Variants in PPP6R3 observed in about 807,000 individuals in gnomAD.
PPP6R3 encodes the protein serine/threonine-protein phosphatase 6 regulatory subunit 3.
PPP6R3 carries 38 observed loss-of-function variants against 110.7 expected under a neutral mutation model. The ratio of observed to expected loss-of-function variants is 0.34; its 90% confidence interval spans 0.26 to 0.45. The LOEUF (loss-of-function observed/expected upper bound fraction) is 0.45, where lower values mean the gene tolerates loss of function less well. Ranked by LOEUF, PPP6R3 falls within the 20% of genes least tolerant of loss-of-function variation. PPP6R3 has a pLI of 1.00. For missense variants in PPP6R3, 870 were observed against 1,062.4 expected, an observed-to-expected ratio of 0.82 and a Z score of 2.52; for synonymous variants, 369 against 373.5, an observed-to-expected ratio of 0.99 and a Z score of 0.14.
At chr11:68,554,104 C>A (rs553185243) in intron 6 of PPP6R3, 41 bp from the exon 7 acceptor site, 1 of 1,392,712 alleles carries the variant, frequency 7.2e-7, no homozygotes, top group South Asian at 1.3e-5. Context: ...AATTTAACTT[C>A]TAACATGTTT....
intron 1 of PPP6R3, among the ~76,000 whole-genome samples, chr11:68,495,693 CATT>C (rs1452483765): frequency 6.6e-5 from 10 of 152,294 alleles, no homozygotes; most frequent in Admixed American, 3.3e-4. Flanking sequence ...AAATAATACT[CATT>C]ATGTGGGGAA....
At chr11:68,584,235 G>C (rs1189417605) in intron 15 of PPP6R3, among the ~76,000 whole-genome samples, 2 of 152,166 alleles carry the variant, frequency 1.3e-5, no homozygotes, top group Non-Finnish European at 2.9e-5. Flanking sequence ...TTCCTGCCTT[G>C]GCTTGCTATT....
intron 12 of PPP6R3, 129 bp downstream of exon 12, chr11:68,571,233 T>C (rs2099504620): frequency 8.1e-7 from 1 of 1,235,962 alleles, no homozygotes; most frequent in Non-Finnish European, 1.1e-6. Flanking sequence ...ATTTAAACTT[T>C]TCCCCAGATT....
chr11:68,494,797 C>T (rs1334867282), intron 1 of PPP6R3, among the ~76,000 whole-genome samples: 1 of 152,138 alleles, frequency 6.6e-6, no homozygotes, highest in Non-Finnish European at 1.5e-5. Flanking sequence ...CCTCTATTGT[C>T]TGGATCTTAA....
intron 23 of PPP6R3, among the ~76,000 whole-genome samples, chr11:68,611,784 G>A (rs1193200102): frequency 4.6e-5 from 7 of 152,178 alleles, no homozygotes; most frequent in Admixed American, 3.9e-4. Context: ...CCTAGAGTGC[G>A]TCCTAGATTG....
At chr11:68,478,646 A>AGTTTTT (rs2098859712) in intron 1 of PPP6R3, among the ~76,000 whole-genome samples, 1 of 10,764 alleles carries the variant, frequency 9.3e-5, no homozygotes, top group Non-Finnish European at 2.0e-4. Context: ...GCACTTGGTA[A>AGTTTTT]GTTTTTTTTT....
intron 12 of PPP6R3, 182 bp downstream of exon 12, chr11:68,571,286 G>T: frequency 1.1e-6 from 1 of 886,238 alleles, no homozygotes; most frequent in Non-Finnish European, 1.6e-6. Flanking sequence ...ATAATTTCTT[G>T]TTAGGTCCTC....
chr11:68,536,204 A>G (rs2099270049), intron 2 of PPP6R3, among the ~76,000 whole-genome samples: 1 of 151,938 alleles, frequency 6.6e-6, no homozygotes, highest in Non-Finnish European at 1.5e-5. Flanking sequence ...TTTGAGGCAG[A>G]TGTTCATAAA....
intron 2 of PPP6R3, among the ~76,000 whole-genome samples, chr11:68,524,625 C>T (rs1367281870): frequency 6.6e-6 from 1 of 152,214 alleles, no homozygotes; most frequent in Non-Finnish European, 1.5e-5. Context: ...CAGTTTTCTT[C>T]TCCCTGGCAT....
intron 21 of PPP6R3, 91 bp from the exon 22 acceptor site, chr11:68,603,251 T>C: frequency 6.7e-7 from 1 of 1,490,966 alleles, no homozygotes; most frequent in Non-Finnish European, 9.1e-7. Context: ...AAGCAGTAGA[T>C]GTCACGTTGG....
rs1944842642 is a variant in PPP6R3, at chr11:68,614,581, G to GAATC, written c.*1467_*1470dup. On this transcript the variant is annotated 3_prime_UTR_variant, in exon 24 of 24. Coordinates refer to ENST00000393800, the MANE Select transcript of PPP6R3 (RefSeq NM_001164161.2). The stretch of plus-strand genomic sequence containing the variant: ...CATTACATTGCATATGGAAATAAAA[G>GAATC]AATCAAACGTCTAATGCCTTATTAT... 1.3e-6 allele frequency: 2 copies of GAATC among 1,506,506 alleles called. No homozygotes were observed. The highest frequency in any genetic ancestry group is 2.5e-5 in the East Asian group (1 of 40,372). 93.3% of individuals were successfully genotyped at this position (1,506,506 alleles called of 1,614,324 possible).
chr11:68,586,939 A>G (rs567945093), intron 15 of PPP6R3: 3 of 152,212 alleles, frequency 2.0e-5, no homozygotes, highest in Admixed American at 2.0e-4. Flanking sequence ...AGTTGAGCCA[A>G]CAGCCGCCTC....
At chr11:68,462,585 G>T (rs1336440633) in intron 1 of PPP6R3, among the ~76,000 whole-genome samples, 2 of 152,194 alleles carry the variant, frequency 1.3e-5, no homozygotes, top group African/African-American at 4.8e-5. Context: ...GCCGTGGATT[G>T]CAGTATTCTT....
intron 15 of PPP6R3, among the ~76,000 whole-genome samples, chr11:68,584,269 G>T (rs1352796061): frequency 6.6e-6 from 1 of 152,256 alleles, no homozygotes; most frequent in African/African-American, 2.4e-5. Context: ...CGTGGCGGTG[G>T]CCCACCATGG....
In PPP6R3 at chr11:68,569,736, T is replaced by C; in HGVS notation, c.1129-12T>C. 1 of 1,565,186 alleles carries C rather than the reference T, an allele frequency of 6.4e-7. No individual in the cohort carries two copies. The highest frequency in any genetic ancestry group is 8.7e-7 in the Non-Finnish European group (1 of 1,148,436). ...AGGTAACCGAATAAAACATGGTTTT[T>C]CTTTTTTGTAGAACATGTTCTTCAA... On this transcript the variant is annotated splice_polypyrimidine_tract_variant and intron_variant, in intron 10 of 23. Transcript: ENST00000393800.
intron 2 of PPP6R3, among the ~76,000 whole-genome samples, chr11:68,526,493 C>G (rs980999220): frequency 1.3e-5 from 2 of 152,130 alleles, no homozygotes; most frequent in Non-Finnish European, 2.9e-5. Context: ...ATCCACCTAC[C>G]ACTGTCCCCT....
At chr11:68,575,495 G>A (rs542639759) in intron 13 of PPP6R3, among the ~76,000 whole-genome samples, 1 of 152,272 alleles carries the variant, frequency 6.6e-6, no homozygotes, top group African/African-American at 2.4e-5. Flanking sequence ...GCCAATGAGA[G>A]CATTTCAAGA....
intron 1 of PPP6R3, among the ~76,000 whole-genome samples, chr11:68,492,978 T>TA (rs2098993135): frequency 6.6e-6 from 1 of 152,214 alleles, no homozygotes; most frequent in Admixed American, 6.5e-5. Flanking sequence ...TCTCCAGCCT[T>TA]TCTTATTTTC....
At chr11:68,541,553 G>T (rs1472709359) in intron 3 of PPP6R3, among the ~76,000 whole-genome samples, 1 of 152,210 alleles carries the variant, frequency 6.6e-6, no homozygotes, top group Non-Finnish European at 1.5e-5. Context: ...GAGGGAAAGG[G>T]CAGGAGTTTG....
Sources: gnomAD v4.1 joint callset for allele counts (sites outside exome capture counted in the v4.1 genomes callset) on GRCh38, gnomAD v4.1.1 for gene constraint, MANE v1.5 for transcripts, NCBI Gene and HGNC (gene_info 2026-07-23, HGNC 2026-07-21) for gene names.